PGM5: variants seen among roughly 807,000 people sequenced by gnomAD.
The protein encoded by PGM5 is phosphoglucomutase-like protein 5.
A neutral mutation model predicts 59.2 loss-of-function variants in PGM5; 23 were observed. The observed-to-expected ratio is 0.39, with a 90% confidence interval of 0.28 to 0.55. PGM5 has a LOEUF of 0.55. PGM5 is among the 20% of genes least tolerant of loss of function. The pLI is 0.66. For missense variants in PGM5, 574 were observed against 748.3 expected, an observed-to-expected ratio of 0.77 and a Z score of 2.72; for synonymous variants, 214 against 286.0, an observed-to-expected ratio of 0.75 and a Z score of 2.54.
At chr9:68,412,985 C>A (rs761811296) in intron 6 of PGM5, among the ~76,000 whole-genome samples, 3 of 152,132 alleles carry the variant, frequency 2.0e-5, no homozygotes, top group Non-Finnish European at 2.9e-5. Context: ...TTAATTTGCT[C>A]CAACATCAAC....
chr9:68,407,108 T>C (rs1167358803), intron 6 of PGM5, among the ~76,000 whole-genome samples: 1 of 152,098 alleles, frequency 6.6e-6, no homozygotes, highest in Non-Finnish European at 1.5e-5. Flanking sequence ...TATTGAGCCT[T>C]TCAGTTAGTG....
In PGM5 at chr9:68,479,518, T is replaced by C; in HGVS notation, c.1260T>C (p.Asp420=). 6.2e-7 allele frequency: 1 copy of C among 1,613,992 alleles called. No individual in the cohort carries two copies. The highest frequency in any genetic ancestry group is 1.3e-5 in the African/African-American group (1 of 75,000). ...RKQSVEEIVR[D]HWAKFGRHYY... is the part of the protein sequence containing the mutation. The stretch of plus-strand genomic sequence containing the variant: ...AGAGTGTGGAGGAAATTGTCCGAGA[T>C]CACTGGGCCAAATTTGGCCGCCACT... The change falls in exon 8 of 11, where the codon GAT becomes GAC. Residue 420 remains aspartate, a synonymous_variant. Coordinates refer to ENST00000396396, the MANE Select transcript of PGM5 (RefSeq NM_021965.4).
At chr9:68,474,015 T>G (rs1469879094) in intron 7 of PGM5, among the ~76,000 whole-genome samples, 3 of 151,990 alleles carry the variant, frequency 2.0e-5, no homozygotes, top group Non-Finnish European at 4.4e-5. Context: ...GCCCCAAACA[T>G]GAGACTGCAT....
intron 6 of PGM5, among the ~76,000 whole-genome samples, chr9:68,442,860 C>T (rs781863484): frequency 2.0e-5 from 3 of 152,142 alleles, no homozygotes; most frequent in Non-Finnish European, 2.9e-5. Context: ...GATACTGCTA[C>T]ATAACAATTA....
intron 10 of PGM5, among the ~76,000 whole-genome samples, chr9:68,528,970 T>C (rs555444368): frequency 1.3e-5 from 2 of 152,244 alleles, no homozygotes; most frequent in Admixed American, 1.3e-4. Context: ...ACCTATTCCT[T>C]AGGCTTCTAA....
intron 6 of PGM5, among the ~76,000 whole-genome samples, chr9:68,461,164 G>C (rs1308012583): frequency 1.3e-5 from 2 of 152,106 alleles, no homozygotes; most frequent in Non-Finnish European, 2.9e-5. Context: ...CAGAGATCCA[G>C]GTCCTCCCCT....
chr9:68,511,545 CTTTTTTTTTTTTT>C (rs3064033), intron 10 of PGM5, among the ~76,000 whole-genome samples: 8 of 62,728 alleles, frequency 1.3e-4, no homozygotes, highest in Admixed American at 1.1e-3. Flanking sequence ...TTGTTTTTGC[CTTTTTTTTTTTTT>C]TTTTTTTTTT....
At chr9:68,484,798 G>T (rs187811344) in intron 9 of PGM5, among the ~76,000 whole-genome samples, 1 of 152,098 alleles carries the variant, frequency 6.6e-6, no homozygotes, top group East Asian at 1.9e-4. Flanking sequence ...CTGTCCTTGG[G>T]GCCTCAGTGA....
At chr9:68,496,131 C>T (rs990250761) in intron 9 of PGM5, among the ~76,000 whole-genome samples, 8 of 152,132 alleles carry the variant, frequency 5.3e-5, no homozygotes, top group Non-Finnish European at 5.9e-5. Flanking sequence ...AAAATAAATG[C>T]GATTATTGGT....
chr9:68,452,877 T>C (rs1823719604), intron 6 of PGM5, among the ~76,000 whole-genome samples: 1 of 152,182 alleles, frequency 6.6e-6, no homozygotes, highest in African/African-American at 2.4e-5. Context: ...TCAAGGCTCT[T>C]TGGACAAGAC....
At chr9:68,484,685 A>T (rs1204374934) in intron 9 of PGM5, among the ~76,000 whole-genome samples, 2 of 152,168 alleles carry the variant, frequency 1.3e-5, no homozygotes, top group Non-Finnish European at 2.9e-5. Flanking sequence ...AAATAAATAC[A>T]GACCCAACAT....
chr9:68,491,987 G>A (rs1048422792), intron 9 of PGM5, among the ~76,000 whole-genome samples: 1 of 152,192 alleles, frequency 6.6e-6, no homozygotes. Context: ...TAGAACTATT[G>A]TCTAAAGTGT....
chr9:68,484,373 CAAAAA>C (rs1188951508), intron 9 of PGM5, among the ~76,000 whole-genome samples: 2 of 106,330 alleles, frequency 1.9e-5, no homozygotes, highest in Non-Finnish European at 4.1e-5. Context: ...CCATCTCTAC[CAAAAA>C]AAAAAAAAAA....
At chr9:68,419,075 T>G (rs1392464584) in intron 6 of PGM5, among the ~76,000 whole-genome samples, 1 of 152,174 alleles carries the variant, frequency 6.6e-6, no homozygotes, top group Non-Finnish European at 1.5e-5. Context: ...CTTTAAAATC[T>G]CAACAGAAAA....
At chr9:68,489,090 C>T (rs1275343279) in intron 9 of PGM5, among the ~76,000 whole-genome samples, 2 of 152,224 alleles carry the variant, frequency 1.3e-5, no homozygotes, top group Admixed American at 6.5e-5. Context: ...CCTTCACCAT[C>T]GATACCCTAA....
chr9:68,382,045 T>A (rs2265270), intron 2 of PGM5, among the ~76,000 whole-genome samples: 151,761 of 151,804 alleles, frequency 1, 75,859 homozygotes, highest in Middle Eastern at 1. Context: ...TAAAATTTGT[T>A]TGGAGCCCCC....
chr9:68,378,578 A>G (rs1209430697), intron 2 of PGM5, among the ~76,000 whole-genome samples: 1 of 152,054 alleles, frequency 6.6e-6, no homozygotes, highest in East Asian at 1.9e-4. Context: ...TTCAGCATAA[A>G]CTATTGAATA....
chr9:68,465,446 A>C (rs932555532), intron 7 of PGM5, among the ~76,000 whole-genome samples: 1 of 152,146 alleles, frequency 6.6e-6, no homozygotes, highest in East Asian at 1.9e-4. Flanking sequence ...TTTAAAGTGT[A>C]TAAGAGTAGA....
intron 9 of PGM5, 107 bp from the exon 10 acceptor site, chr9:68,499,120 G>C (rs1023382985): frequency 1.7e-6 from 2 of 1,192,556 alleles, no homozygotes; most frequent in African/African-American, 3.0e-5. Flanking sequence ...TCTTGATTCT[G>C]ATTGTGTTGA....
Sources: allele counts gnomAD v4.1 joint callset (sites outside exome capture counted in the v4.1 genomes callset), GRCh38; gene constraint gnomAD v4.1.1; transcripts MANE v1.5; gene names NCBI Gene and HGNC (gene_info 2026-07-23, HGNC 2026-07-21).